The following EPHB2 variants were observed in gnomAD, a reference collection of about 807,000 sequenced individuals.
The protein encoded by EPHB2 is EPH receptor B2.
EPHB2 carries 18 observed loss-of-function variants against 96.4 expected under a neutral mutation model. The observed-to-expected ratio is 0.19, with a 90% CI of 0.13 to 0.28. The LOEUF (loss-of-function observed/expected upper bound fraction) is 0.28. EPHB2 is among the 10% of genes least tolerant of loss of function. The pLI, the probability that EPHB2 is intolerant of heterozygous loss-of-function variation, is 1.00. For synonymous variants in EPHB2, 506 were observed against 534.1 expected, an observed-to-expected ratio of 0.95 and a Z score of 0.72; for missense variants, 989 against 1,355.4, an observed-to-expected ratio of 0.73 and a Z score of 4.25.
intron 3 of EPHB2, among the ~76,000 whole-genome samples, chr1:22,825,974 A>G (rs911288018): frequency 7.2e-5 from 11 of 152,158 alleles, no homozygotes; most frequent in African/African-American, 2.7e-4. Context: ...CTAAGAGTGC[A>G]GGGTGGGTTG....
intron 3 of EPHB2, among the ~76,000 whole-genome samples, chr1:22,822,981 C>G (rs1645173445): frequency 6.6e-6 from 1 of 152,128 alleles, no homozygotes; most frequent in African/African-American, 2.4e-5. Flanking sequence ...CGGCTGAGCC[C>G]TAAGCTAGGA....
chr1:22,790,832 A>C lies in EPHB2; in HGVS notation c.811+5756A>C, dbSNP rs776822593. Among the ~76,000 whole-genome samples, 42 of 152,308 alleles carry C rather than the reference A, an allele frequency of 2.8e-4. No homozygotes were observed. Among genetic ancestry groups the C allele is most frequent in the Non-Finnish European group, 5.4e-4 (37 of 68,026 alleles). ...GCCAGCTCGGGGTGGTTGCACGCAC[A>C]TGTTGATTCGCTGGCTCCAGCTCAG... On this transcript the variant is annotated intron_variant, in intron 3 of 15. Transcript: ENST00000374630. This position sits in a 1 kb window ranked among gnomAD's most constrained non-coding sequence, Gnocchi z 4.0.
At chr1:22,855,708 A>G (rs1016442888) in intron 3 of EPHB2, among the ~76,000 whole-genome samples, 1 of 152,248 alleles carries the variant, frequency 6.6e-6, no homozygotes, top group Non-Finnish European at 1.5e-5. Context: ...AGCACTTAAC[A>G]TGAGCCAGAC....
chr1:22,913,381 G>A lies in EPHB2; in HGVS notation c.2853-81G>A. The A allele has an allele frequency of 9.0e-6, 14 of 1,560,090 alleles. No homozygotes were observed. Among genetic ancestry groups the A allele is most frequent in the Non-Finnish European group, 1.2e-5 (14 of 1,147,740 alleles). On this transcript the variant is annotated intron_variant, in intron 15 of 15. Transcript: ENST00000374630. The surrounding 1 kb of genome is among the most constrained non-coding windows in gnomAD (Gnocchi z 4.1). ...TCCTTGCTTTGCCATCTTCCTCCCG[G>A]GGAAGCCCAGGCAGCTCTCTACCAG...
At chr1:22,853,809 T>G (rs1328274496) in intron 3 of EPHB2, among the ~76,000 whole-genome samples, 1 of 152,180 alleles carries the variant, frequency 6.6e-6, no homozygotes, top group Non-Finnish European at 1.5e-5. Context: ...GGCCGGACTC[T>G]CCCTGGGCAT....
chr1:22,831,611 C>T (rs1005419589), intron 3 of EPHB2, among the ~76,000 whole-genome samples: 3 of 151,934 alleles, frequency 2.0e-5, no homozygotes, highest in Non-Finnish European at 4.4e-5. Flanking sequence ...GGGCAGGAAT[C>T]CAGGGCTTTC....
intron 6 of EPHB2, among the ~76,000 whole-genome samples, chr1:22,884,339 C>G (rs182554761): frequency 6.6e-6 from 1 of 152,072 alleles, no homozygotes; most frequent in Non-Finnish European, 1.5e-5. Flanking sequence ...AACCCCATCT[C>G]TACTAAAAAT....
chr1:22,752,576 G>A (rs932132605), intron 1 of EPHB2, among the ~76,000 whole-genome samples: 17 of 150,142 alleles, frequency 1.1e-4, no homozygotes, highest in African/African-American at 2.9e-4. Flanking sequence ...AAATTACCAC[G>A]TAGTCAGGAC....
Position 22,906,712 on chromosome 1 carries a change from G to C in EPHB2, c.1891G>C (p.Glu631Gln). The part of the protein sequence containing the change: ...VKIEQVIGAG[E>Q]FGEVCSGHLK... ...CTGTCTTGGTGTTTCTCTCTCAGGG[G>C]AGTTTGGCGAGGTCTGCAGTGGCCA... is the stretch of plus-strand genomic sequence containing the variant. The change falls in exon 11 of 16, where the codon GAG (glutamate) becomes CAG (glutamine). Residue 631 changes from glutamate to glutamine, a missense_variant and splice_region_variant. Physicochemically the swap from Glu to Gln is conservative, Grantham distance 29. Transcript: ENST00000374630. This position sits in a 1 kb window ranked among gnomAD's most constrained non-coding sequence, Gnocchi z 4.8. 6.2e-7 allele frequency: 1 copy of C among 1,614,140 alleles called. No individual in the cohort carries two copies. Among genetic ancestry groups the C allele is most frequent in the Non-Finnish European group, 8.5e-7 (1 of 1,180,026 alleles).
At chr1:22,859,570 G>A (rs1056471508) in intron 3 of EPHB2, among the ~76,000 whole-genome samples, 6 of 152,112 alleles carry the variant, frequency 3.9e-5, no homozygotes, top group Non-Finnish European at 7.4e-5. Context: ...CAAGGCGGGT[G>A]GATCACTTGA....
intron 3 of EPHB2, among the ~76,000 whole-genome samples, chr1:22,856,159 G>C (rs547428043): frequency 2.6e-5 from 4 of 152,154 alleles, no homozygotes; most frequent in Non-Finnish European, 4.4e-5. Context: ...GGGAGGAGAG[G>C]GGGGAGCAGA....
chr1:22,844,165 T>C (rs1256412320), intron 3 of EPHB2, among the ~76,000 whole-genome samples: 2 of 152,254 alleles, frequency 1.3e-5, no homozygotes, highest in East Asian at 3.8e-4. Context: ...ATCTACCTAA[T>C]ATTCGGATTG....
intron 1 of EPHB2, among the ~76,000 whole-genome samples, chr1:22,739,035 A>G (rs553404851): frequency 6.6e-6 from 1 of 152,224 alleles, no homozygotes; most frequent in South Asian, 2.1e-4. Flanking sequence ...ATTTTTAAAA[A>G]TTATGTTGTG....
At chr1:22,912,393 T>C in intron 14 of EPHB2, 51 bp from the exon 15 acceptor site, 1 of 1,611,916 alleles carries the variant, frequency 6.2e-7, no homozygotes, top group Non-Finnish European at 8.5e-7. Flanking sequence ...CCCTGCACGC[T>C]CCCTGCAAAC....
chr1:22,905,415 C>T (rs1303195635), intron 9 of EPHB2, among the ~76,000 whole-genome samples: 2 of 152,052 alleles, frequency 1.3e-5, no homozygotes, highest in Non-Finnish European at 2.9e-5. Context: ...GGGGCGGCCC[C>T]TCAAGGCTCT....
At chr1:22,723,763 A>C (rs1417149445) in intron 1 of EPHB2, among the ~76,000 whole-genome samples, 2 of 152,204 alleles carry the variant, frequency 1.3e-5, no homozygotes, top group Non-Finnish European at 2.9e-5. Flanking sequence ...CACCTACCCC[A>C]TGGTGTTGTT....
chr1:22,826,990 G>A (rs1193937123), intron 3 of EPHB2, among the ~76,000 whole-genome samples: 1 of 152,206 alleles, frequency 6.6e-6, no homozygotes, highest in Non-Finnish European at 1.5e-5. Context: ...GTTGATCTTT[G>A]CTTTCAGTCC....
At chr1:22,749,345 T>G (rs1644028501) in intron 1 of EPHB2, among the ~76,000 whole-genome samples, 1 of 152,162 alleles carries the variant, frequency 6.6e-6, no homozygotes, top group African/African-American at 2.4e-5. Flanking sequence ...GGCTTTGCTT[T>G]TGGCCAGCAT....
chr1:22,768,499 G>A (rs1211219904), intron 1 of EPHB2, among the ~76,000 whole-genome samples: 2 of 151,970 alleles, frequency 1.3e-5, no homozygotes, highest in Admixed American at 6.6e-5. Flanking sequence ...CCAGCATGGG[G>A]AACATAGCTA....
Sources: allele counts gnomAD v4.1 joint callset (sites outside exome capture counted in the v4.1 genomes callset), GRCh38; gene constraint gnomAD v4.1.1; non-coding constraint Gnocchi (gnomAD v3.1); transcripts MANE v1.5; gene names NCBI Gene and HGNC (gene_info 2026-07-23, HGNC 2026-07-21).